The following FERRY3 variants were observed in gnomAD, a reference collection of about 807,000 sequenced individuals.
FERRY3 encodes the protein protein C12orf4.
At chr12:4,536,980 C>G in the FERRY3 span, among the ~76,000 whole-genome samples, 1 of 152,214 alleles carries the variant, frequency 6.6e-6, no homozygotes, top group Non-Finnish European at 1.5e-5. Context: ...GTTGTTCATC[C>G]GCTTAAAAAC....
At chr12:4,532,524 T>A in the FERRY3 span, among the ~76,000 whole-genome samples, 1 of 152,204 alleles carries the variant, frequency 6.6e-6, no homozygotes, top group African/African-American at 2.4e-5. Context: ...ATCGTTTACC[T>A]GCAACATTTA....
chr12:4,494,359 C>T, the FERRY3 span, among the ~76,000 whole-genome samples: 2 of 152,062 alleles, frequency 1.3e-5, no homozygotes, highest in East Asian at 1.9e-4. Flanking sequence ...TTATTACGTT[C>T]GTCTTTTATG....
At chr12:4,535,449 G>A in the FERRY3 span, among the ~76,000 whole-genome samples, 3 of 152,212 alleles carry the variant, frequency 2.0e-5, no homozygotes. The surrounding 1 kb of genome is among the most constrained non-coding windows in gnomAD (Gnocchi z 4.0). Flanking sequence ...TGTACAATGT[G>A]ATTGGGCTAT....
chr12:4,514,227 T>A, the FERRY3 span, among the ~76,000 whole-genome samples: 3 of 149,820 alleles, frequency 2.0e-5, no homozygotes, highest in African/African-American at 7.6e-5. Flanking sequence ...ATGGCAATCA[T>A]TAAAAAGTCA....
At chr12:4,525,145 T>C in the FERRY3 span, 2 of 1,358,588 alleles carry the variant, frequency 1.5e-6, no homozygotes, top group Non-Finnish European at 2.0e-6. Flanking sequence ...TCTTGAACTT[T>C]CACTAGCAAA....
At chr12:4,527,985 T>G in the FERRY3 span, among the ~76,000 whole-genome samples, 1 of 151,930 alleles carries the variant, frequency 6.6e-6, no homozygotes, top group Non-Finnish European at 1.5e-5. Flanking sequence ...AGATGAAGAA[T>G]CATGTAGAAC....
the FERRY3 span, among the ~76,000 whole-genome samples, chr12:4,511,703 C>T: frequency 7.3e-5 from 11 of 149,670 alleles, no homozygotes; most frequent in African/African-American, 2.8e-4. Context: ...AGAACAAAGA[C>T]ACAACATACC....
At chr12:4,498,707 G>T in the FERRY3 span, among the ~76,000 whole-genome samples, 3 of 152,198 alleles carry the variant, frequency 2.0e-5, no homozygotes, top group African/African-American at 7.2e-5. Context: ...CAGTTTCACG[G>T]AAGTCAATTT....
At chr12:4,511,474 A>G in the FERRY3 span, among the ~76,000 whole-genome samples, 1 of 152,014 alleles carries the variant, frequency 6.6e-6, no homozygotes, top group Non-Finnish European at 1.5e-5. Context: ...TCCAAAATTG[A>G]CCACATAGTT....
the FERRY3 span, among the ~76,000 whole-genome samples, chr12:4,536,709 A>C: frequency 1.3e-5 from 2 of 152,206 alleles, no homozygotes; most frequent in Non-Finnish European, 2.9e-5. Flanking sequence ...ATGTGGGAAG[A>C]AGATACACAG....
chr12:4,537,441 G>C, the FERRY3 span, among the ~76,000 whole-genome samples: 1 of 152,136 alleles, frequency 6.6e-6, no homozygotes, highest in Non-Finnish European at 1.5e-5. Flanking sequence ...CCATGTATTA[G>C]GCAGGATGTT....
the FERRY3 span, among the ~76,000 whole-genome samples, chr12:4,514,456 C>T: frequency 5.9e-5 from 9 of 152,220 alleles, no homozygotes; most frequent in East Asian, 1.5e-3. Context: ...CGTATGTTTA[C>T]TGCGGCATTA....
At chr12:4,527,334 T>C in the FERRY3 span, among the ~76,000 whole-genome samples, 1 of 151,946 alleles carries the variant, frequency 6.6e-6, no homozygotes, top group East Asian at 1.9e-4. Flanking sequence ...TAGCTAATCA[T>C]ATAGTTGATG....
At chr12:4,509,539 G>A in the FERRY3 span, among the ~76,000 whole-genome samples, 716 of 145,412 alleles carry the variant, frequency 4.9e-3, 3 homozygotes, top group Middle Eastern at 0.014. Flanking sequence ...CCCAGCACGC[G>A]GCTGGAGATC....
the FERRY3 span, among the ~76,000 whole-genome samples, chr12:4,501,456 C>T: frequency 1.3e-5 from 2 of 152,176 alleles, no homozygotes; most frequent in African/African-American, 4.8e-5. Context: ...AGCCAGCAAG[C>T]AAGTGAAGCT....
the FERRY3 span, among the ~76,000 whole-genome samples, chr12:4,517,816 C>T: frequency 6.6e-6 from 1 of 150,456 alleles, no homozygotes; most frequent in East Asian, 1.9e-4. Flanking sequence ...TTTTGTTTTA[C>T]CTCGTAATGA....
chr12:4,502,949 G>A, the FERRY3 span, among the ~76,000 whole-genome samples: 1 of 152,176 alleles, frequency 6.6e-6, no homozygotes, highest in Non-Finnish European at 1.5e-5. This position sits in a 1 kb window ranked among gnomAD's most constrained non-coding sequence, Gnocchi z 4.2. Flanking sequence ...TTTCTAGGAA[G>A]GCAACAAAAG....
At chr12:4,517,269 GA>G in the FERRY3 span, 1 of 1,280,938 alleles carries the variant, frequency 7.8e-7, no homozygotes, top group Non-Finnish European at 1.0e-6. Flanking sequence ...AGATTTAGTA[GA>G]AAAAGAAAAT....
the FERRY3 span, among the ~76,000 whole-genome samples, chr12:4,521,650 A>T: frequency 6.6e-6 from 1 of 152,198 alleles, no homozygotes; most frequent in African/African-American, 2.4e-5. Flanking sequence ...TCATTTTACA[A>T]TGCCCCCATT....
Sources: gnomAD v4.1 joint callset for allele counts (sites outside exome capture counted in the v4.1 genomes callset) on GRCh38, gnomAD v4.1.1 for gene constraint, Gnocchi (gnomAD v3.1) non-coding constraint, MANE v1.5 for transcripts, NCBI Gene and HGNC (gene_info 2026-07-23, HGNC 2026-07-21) for gene names.